ZNRF3: variants seen among roughly 807,000 people sequenced by gnomAD.
ZNRF3 encodes the protein zinc and ring finger 3, also known as E3 ubiquitin-protein ligase ZNRF3.
A neutral mutation model predicts 72.5 loss-of-function variants in ZNRF3; 23 were observed. The ratio of observed to expected loss-of-function variants is 0.32; its 90% confidence interval spans 0.23 to 0.45. The LOEUF (loss-of-function observed/expected upper bound fraction) is 0.45, where lower values mean the gene tolerates loss of function less well. Ranked by LOEUF, ZNRF3 falls within the 20% of genes least tolerant of loss-of-function variation. The probability of loss-of-function intolerance (pLI) is 1.00; values close to 1 mark genes in which losing one functional copy is unlikely to be tolerated. For missense variants in ZNRF3, 1,169 were observed against 1,272.1 expected (o/e 0.92, Z 1.23); for synonymous variants, 610 against 545.3 (o/e 1.12, Z -1.65).
At chr22:29,003,791 C>T (rs1331708169) in intron 2 of ZNRF3, among the ~76,000 whole-genome samples, 1 of 151,778 alleles carries the variant, frequency 6.6e-6, no homozygotes, top group African/African-American at 2.4e-5. Flanking sequence ...GGTGGTGATC[C>T]TGCTACTCCA....
intron 1 of ZNRF3, among the ~76,000 whole-genome samples, chr22:28,951,207 G>A (rs556934492): frequency 6.6e-6 from 1 of 152,216 alleles, no homozygotes; most frequent in Non-Finnish European, 1.5e-5. Flanking sequence ...TCTCCTAAGG[G>A]CCCTCTTCTG....
intron 2 of ZNRF3, among the ~76,000 whole-genome samples, chr22:29,014,259 T>C (rs1569281445): frequency 6.6e-6 from 1 of 152,170 alleles, no homozygotes; most frequent in Non-Finnish European, 1.5e-5. Context: ...TTTGGGGTCA[T>C]GTCTCACCCC....
At position 29,050,356 on chromosome 22, in the gene ZNRF3, C is replaced by G. The variant is rs747003835; in HGVS notation, c.2175C>G (p.Ala725=). The change falls in exon 8 of 9, where the codon GCC becomes GCG. Residue 725 remains alanine (A), a synonymous_variant. Transcript: ENST00000544604. ...EPQPSPAGPS[A]GAAGSSTLFL... is the part of the protein sequence containing the mutation. The stretch of plus-strand genomic sequence containing the variant: ...AGCCCTCCCCAGCCGGGCCTAGCGC[C>G]GGAGCAGCTGGCAGCAGCACCTTGT... 3 of 1,603,356 alleles carry G rather than the reference C, an allele frequency of 1.9e-6. No individual in the cohort carries two copies. In the East Asian group the frequency reaches 6.7e-5, roughly 36 times the overall value.
chr22:28,980,049 G>T (rs938550490), intron 1 of ZNRF3, among the ~76,000 whole-genome samples: 1 of 152,166 alleles, frequency 6.6e-6, no homozygotes. Context: ...AACGTCTACT[G>T]GTGTTACTAT....
At chr22:28,909,354 A>G (rs1230721834) in intron 1 of ZNRF3, among the ~76,000 whole-genome samples, 3 of 152,136 alleles carry the variant, frequency 2.0e-5, no homozygotes, top group East Asian at 3.8e-4. Flanking sequence ...GCTTTTAAGC[A>G]TGGACCTCTC....
In ZNRF3 at chr22:28,884,024, G is replaced by C. The variant is rs1245795615; in HGVS notation, c.258G>C (p.Ser86=). 1.5e-6 allele frequency: 2 copies of C among 1,307,356 alleles called. No individual in the cohort carries two copies. Among genetic ancestry groups the C allele is most frequent in the African/African-American group, 1.6e-5 (1 of 63,324 alleles). The allele number at this position is 1,307,356 out of a possible 1,614,324, so 81.0% of individuals were successfully genotyped here. A position where few individuals can be genotyped will look rare whatever the true frequency, so the allele number is the denominator to read the frequency against. The change falls in exon 1 of 9, where the codon TCG becomes TCC. Residue 86 remains serine, a synonymous_variant. Transcript: ENST00000544604. ...CCACCGGCCTCACGGGCCGCTTCTC[G>C]CGGGCCGGGGCCACGCTCAGCGCCG... The part of the protein sequence containing the change: ...TYTTGLTGRF[S]RAGATLSAEG...
At chr22:28,884,216 C>A in intron 1 of ZNRF3, 150 bp downstream of exon 1, 1 of 567,216 alleles carries the variant, frequency 1.8e-6, no homozygotes, top group Non-Finnish European at 2.3e-6. Context: ...TGCGGGCGGG[C>A]AGGCGGGCGG....
chr22:29,056,394 C>A lies in ZNRF3; in HGVS notation c.*2772C>A, dbSNP rs1166526255. 1 of 152,252 alleles carries A rather than the reference C, an allele frequency of 6.6e-6. No homozygotes were observed. The highest frequency in any genetic ancestry group is 2.4e-5 in the African/African-American group (1 of 41,460). The allele number at this position is 152,252 out of a possible 1,614,324, so 9.4% of individuals were successfully genotyped here. ...GGGATTACAGGCGTGAGCCACCATG[C>A]CTGCCCAGCAATACCAACCATTGTC... On this transcript the variant is annotated 3_prime_UTR_variant, in exon 9 of 9. Transcript: ENST00000544604.
Position 29,053,652 on chromosome 22 carries a change from G to A in ZNRF3, c.*30G>A. 2 of 1,606,898 alleles carry A rather than the reference G, an allele frequency of 1.2e-6. No individual in the cohort carries two copies. Among genetic ancestry groups the A allele is most frequent in the Non-Finnish European group, 1.7e-6 (2 of 1,176,222 alleles). ...AGGAGGAACTCTTACCTGGAAATTG[G>A]GAACTGTATGGAGACTCCAAACTGA... is the stretch of plus-strand genomic sequence containing the variant. On this transcript the variant is annotated 3_prime_UTR_variant, in exon 9 of 9. Transcript: ENST00000544604.
chr22:28,888,800 C>A (rs1222395408), intron 1 of ZNRF3, among the ~76,000 whole-genome samples: 1 of 152,190 alleles, frequency 6.6e-6, no homozygotes, highest in East Asian at 1.9e-4. Flanking sequence ...CTTCACATGG[C>A]TAGCAGATGA....
chr22:29,017,034 G>A (rs886488105), intron 2 of ZNRF3, among the ~76,000 whole-genome samples: 2 of 152,222 alleles, frequency 1.3e-5, no homozygotes, highest in Non-Finnish European at 1.5e-5. Flanking sequence ...GACAGGCCCA[G>A]CCTCTGGAGT....
At chr22:29,027,293 G>C (rs1024520202) in intron 2 of ZNRF3, among the ~76,000 whole-genome samples, 1 of 151,954 alleles carries the variant, frequency 6.6e-6, no homozygotes, top group African/African-American at 2.4e-5. Flanking sequence ...TTGTCCCCCA[G>C]GCTGGAGTGC....
intron 2 of ZNRF3, among the ~76,000 whole-genome samples, chr22:29,037,257 A>G (rs2036883864): frequency 6.6e-6 from 1 of 152,190 alleles, no homozygotes; most frequent in African/African-American, 2.4e-5. Flanking sequence ...GTATAACTAC[A>G]CACACTGGGG....
At chr22:28,931,388 C>T (rs1009756420) in intron 1 of ZNRF3, among the ~76,000 whole-genome samples, 1 of 152,056 alleles carries the variant, frequency 6.6e-6, no homozygotes, top group African/African-American at 2.4e-5. Flanking sequence ...CTCCCTGGGC[C>T]CCCAAAGAAG....
chr22:28,956,976 T>A (rs1444228941), intron 1 of ZNRF3, among the ~76,000 whole-genome samples: 1 of 152,192 alleles, frequency 6.6e-6, no homozygotes, highest in African/African-American at 2.4e-5. Flanking sequence ...TAGCATATCT[T>A]GATTTGTTAA....
At chr22:28,944,061 A>G (rs2035000915) in intron 1 of ZNRF3, among the ~76,000 whole-genome samples, 1 of 152,108 alleles carries the variant, frequency 6.6e-6, no homozygotes, top group East Asian at 1.9e-4. Context: ...AGCTACCCAA[A>G]GAGGAGAGTC....
At chr22:28,993,404 G>T (rs1200098198) in intron 2 of ZNRF3, among the ~76,000 whole-genome samples, 3 of 152,194 alleles carry the variant, frequency 2.0e-5, no homozygotes, top group Non-Finnish European at 2.9e-5. Flanking sequence ...GAGGAGAGCT[G>T]GTTTTTAATC....
chr22:28,895,643 G>A (rs954960342), intron 1 of ZNRF3, among the ~76,000 whole-genome samples: 25 of 152,252 alleles, frequency 1.6e-4, no homozygotes, highest in African/African-American at 5.5e-4. Context: ...CTCCAGCCTG[G>A]GCGACAGAGC....
chr22:29,046,317 T>G (rs2037069497), intron 5 of ZNRF3, among the ~76,000 whole-genome samples: 1 of 152,224 alleles, frequency 6.6e-6, no homozygotes, highest in Non-Finnish European at 1.5e-5. Flanking sequence ...CACAGCCTAT[T>G]TGCCAGGTGC....
Sources: allele counts gnomAD v4.1 joint callset (sites outside exome capture counted in the v4.1 genomes callset), GRCh38; gene constraint gnomAD v4.1.1; transcripts MANE v1.5; gene names NCBI Gene and HGNC (gene_info 2026-07-23, HGNC 2026-07-21).